The following LARGE1 variants were observed in gnomAD, a reference collection of about 807,000 sequenced individuals.
The protein encoded by LARGE1 is LARGE xylosyl- and glucuronyltransferase 1.
LARGE1 carries 43 observed loss-of-function variants against 87.6 expected under a neutral mutation model. That is an observed-to-expected ratio of 0.49 (90% CI 0.38 to 0.63). The LOEUF (loss-of-function observed/expected upper bound fraction) is 0.63. Among genes scored for constraint, LARGE1 ranks in the 30% least tolerant of loss-of-function variants. The pLI is 0.00. For synonymous variants in LARGE1, 434 were observed against 394.6 expected (o/e 1.10, Z -1.18); for missense variants, 802 against 1,000.2 (o/e 0.80, Z 2.67).
At chr22:33,080,736 A>G in the LARGE1 span, among the ~76,000 whole-genome samples, 20 of 152,324 alleles carry the variant, frequency 1.3e-4, 1 homozygote, top group Admixed American at 6.5e-4. Context: ...TACATAATTT[A>G]TAAGTGGTAA....
chr22:33,900,244 G>A (rs925747856), intron 1 of LARGE1, among the ~76,000 whole-genome samples: 22 of 152,178 alleles, frequency 1.4e-4, no homozygotes, highest in Non-Finnish European at 2.8e-4. Flanking sequence ...CAGTCCTGAC[G>A]TCTAAGAAGA....
rs1601712835 is a variant in LARGE1 at position 33,827,309 on chromosome 22, G to T, written c.-82-65751C>A. ...GGCGTGAACCCGGGAGGCGGAGCTT[G>T]CAGTGAGCCGAGATCGCACTACTGT... On this transcript the variant is annotated intron_variant, in intron 1 of 14. Coordinates refer to ENST00000397394, the MANE Select transcript of LARGE1 (RefSeq NM_133642.5). Among the ~76,000 whole-genome samples, 7 of 152,206 alleles carry T rather than the reference G, an allele frequency of 4.6e-5. 1 individual carries two copies. The South Asian group carries it at 1.5e-3, about 32-fold the overall frequency.
At chr22:33,315,456 A>G (rs1334811129) in intron 11 of LARGE1, among the ~76,000 whole-genome samples, 1 of 152,114 alleles carries the variant, frequency 6.6e-6, no homozygotes, top group Non-Finnish European at 1.5e-5. Flanking sequence ...TCCAGCCGCA[A>G]TTGTAGCTCC....
chr22:33,567,060 A>G (rs1162591269), intron 5 of LARGE1, among the ~76,000 whole-genome samples: 1 of 152,160 alleles, frequency 6.6e-6, no homozygotes, highest in East Asian at 1.9e-4. Flanking sequence ...AAAGCATTTG[A>G]TCTCTCTAAG....
At chr22:33,915,712 G>C (rs1164015365) in intron 1 of LARGE1, among the ~76,000 whole-genome samples, 1 of 152,128 alleles carries the variant, frequency 6.6e-6, no homozygotes, top group East Asian at 1.9e-4. Flanking sequence ...AACCATTCTT[G>C]CCACTATTTG....
chr22:33,823,584 G>A (rs1314837880), intron 1 of LARGE1, among the ~76,000 whole-genome samples: 4 of 152,132 alleles, frequency 2.6e-5, no homozygotes, highest in Admixed American at 6.5e-5. Flanking sequence ...AGATAGGTCC[G>A]ACGACATGAT....
At position 33,587,111 on chromosome 22, in the gene LARGE1, T is replaced by C. The variant is rs559201830; in HGVS notation, c.615+17324A>G. Among the ~76,000 whole-genome samples the C allele has an allele frequency of 2.6e-5, 4 of 152,330 alleles. 1 individual carries two copies. The South Asian group carries it at 8.3e-4, about 32-fold the overall frequency. On this transcript the variant is annotated intron_variant, in intron 5 of 14. Coordinates refer to ENST00000397394, the MANE Select transcript of LARGE1 (RefSeq NM_133642.5). The stretch of plus-strand genomic sequence containing the variant: ...ACATTCAACGTTGCTATTAAATCAA[T>C]AAAATGTTATTTAAAAATGATTTGG...
intron 5 of LARGE1, among the ~76,000 whole-genome samples, chr22:33,579,999 T>G (rs916520941): frequency 6.6e-6 from 1 of 152,240 alleles, no homozygotes; most frequent in Non-Finnish European, 1.5e-5. Flanking sequence ...CATGGAATGA[T>G]GGCACGAGCA....
intron 3 of LARGE1, among the ~76,000 whole-genome samples, chr22:33,627,422 G>C (rs2079956846): frequency 6.6e-6 from 1 of 152,156 alleles, no homozygotes; most frequent in South Asian, 2.1e-4. Context: ...ACCCACTCCA[G>C]TTGCATTCTG....
At chr22:33,199,918 C>T (rs201265273) in intron 11 of LARGE1, among the ~76,000 whole-genome samples, 10 of 151,734 alleles carry the variant, frequency 6.6e-5, no homozygotes, top group South Asian at 4.2e-4. Flanking sequence ...GGCACAATCT[C>T]GGCTCACTGC....
Position 33,532,458 on chromosome 22 carries a change from C to T in LARGE1, c.787+32390G>A, listed in dbSNP as rs985936947. On this transcript the variant is annotated intron_variant, in intron 6 of 14. Transcript: ENST00000397394. ...ACTAAAGAACAGCCATTTCCTGAAC[C>T]CCAACTCTGTGCCAGACACTAATCC... Among the ~76,000 whole-genome samples the T allele has an allele frequency of 5.9e-5, 9 of 152,292 alleles. No homozygotes were observed. In the South Asian group the frequency reaches 8.3e-4, roughly 14 times the overall value.
rs200301227 is a variant in LARGE1, at chr22:33,381,888, A to G, written c.1131+31T>C. 6.2e-6 allele frequency: 10 copies of G among 1,613,224 alleles called. No homozygotes were observed. The East Asian group carries it at 2.2e-4, about 36-fold the overall frequency. On this transcript the variant is annotated intron_variant, in intron 9 of 14. Coordinates refer to ENST00000397394, the MANE Select transcript of LARGE1 (RefSeq NM_133642.5). ...AGGTCCTCTCGGCCCACCTCACCCTACCTCCAGGGATGTCCCTGTGTTGAC... is the reference window on the plus strand; with the variant it reads ...AGGTCCTCTCGGCCCACCTCACCCTGCCTCCAGGGATGTCCCTGTGTTGAC...
At chr22:33,393,686 C>A (rs890751233) in intron 7 of LARGE1, among the ~76,000 whole-genome samples, 1 of 152,228 alleles carries the variant, frequency 6.6e-6, no homozygotes, top group Non-Finnish European at 1.5e-5. Flanking sequence ...CCATTCCCAT[C>A]CTTGTCGTCG....
At chr22:33,100,839 T>A in the LARGE1 span, among the ~76,000 whole-genome samples, 1 of 139,544 alleles carries the variant, frequency 7.2e-6, no homozygotes, top group Non-Finnish European at 1.5e-5. Flanking sequence ...CATTAACTTC[T>A]ATTTTTTTTT....
intron 11 of LARGE1, among the ~76,000 whole-genome samples, chr22:33,218,679 A>C (rs1227559606): frequency 1.3e-5 from 2 of 152,218 alleles, no homozygotes; most frequent in Non-Finnish European, 2.9e-5. Flanking sequence ...TTATTTGCTC[A>C]TATGATCCTT....
Position 33,472,846 on chromosome 22 carries a change from AATG to A in LARGE1, c.788-40584_788-40582del, listed in dbSNP as rs1480417198. On this transcript the variant is annotated intron_variant, in intron 6 of 14. Transcript: ENST00000397394. ...AGAGCTGCTCGTCATTTTGTAAAGT[AATG>A]ATACCAGTAGCAGTGCTGCTGGCAG... Among the ~76,000 whole-genome samples, 7 of 152,224 alleles carry A rather than the reference AATG, an allele frequency of 4.6e-5. No homozygotes were observed. The East Asian group carries it at 1.3e-3, about 29-fold the overall frequency.
At chr22:33,828,183 G>C (rs757622590) in intron 1 of LARGE1, among the ~76,000 whole-genome samples, 39 of 152,236 alleles carry the variant, frequency 2.6e-4, no homozygotes, top group Non-Finnish European at 3.1e-4. Context: ...CAGTAGGACA[G>C]ATGGGGTAAT....
At chr22:33,837,385 T>C (rs1381644836) in intron 1 of LARGE1, among the ~76,000 whole-genome samples, 1 of 152,088 alleles carries the variant, frequency 6.6e-6, no homozygotes, top group African/African-American at 2.4e-5. Flanking sequence ...TGTGTATGTA[T>C]ATATATCCTG....
chr22:33,109,523 G>T, the LARGE1 span, among the ~76,000 whole-genome samples: 1 of 152,066 alleles, frequency 6.6e-6, no homozygotes, highest in Non-Finnish European at 1.5e-5. Flanking sequence ...CCTGCCAAAA[G>T]GTCCAGCCAG....
Sources: allele counts gnomAD v4.1 joint callset (sites outside exome capture counted in the v4.1 genomes callset), GRCh38; gene constraint gnomAD v4.1.1; transcripts MANE v1.5; gene names NCBI Gene and HGNC (gene_info 2026-07-23, HGNC 2026-07-21).